Variants in WDR7 observed in about 807,000 individuals in gnomAD.
WDR7 encodes the protein WD repeat-containing protein 7.
Under a neutral mutation model 169.4 loss-of-function variants are expected in WDR7, and 46 were observed. The ratio of observed to expected loss-of-function variants is 0.27; its 90% confidence interval spans 0.21 to 0.35. The LOEUF is 0.35. WDR7 is among the 10% of genes least tolerant of loss of function. The pLI is 1.00. For synonymous variants in WDR7, 612 were observed against 666.8 expected (o/e 0.92, Z 1.27); for missense variants, 1,534 against 1,859.3 (o/e 0.83, Z 3.22).
intron 26 of WDR7, among the ~76,000 whole-genome samples, chr18:57,010,676 G>A (rs1021662731): frequency 6.6e-6 from 1 of 152,084 alleles, no homozygotes; most frequent in African/African-American, 2.4e-5. Context: ...TATCAATTAT[G>A]TATAATTTAA....
downstream of WDR7, chr18:57,032,844 T>TACAC (rs1555649902): frequency 2.3e-4 from 28 of 123,744 alleles, no homozygotes; most frequent in African/African-American, 7.8e-4. Flanking sequence ...TATATATATA[T>TACAC]ACAGTGTAAT....
At position 56,811,565 on chromosome 18, in the gene WDR7, T is replaced by G. The variant is rs572684994; in HGVS notation, c.3191-4466T>G. On this transcript the variant is annotated intron_variant, in intron 19 of 27. Coordinates refer to ENST00000254442, the MANE Select transcript of WDR7 (RefSeq NM_015285.3). The stretch of plus-strand genomic sequence containing the variant: ...TTGGTATCAAGTCTAAACTTACATT[T>G]CAGAGATTTTCTCCTGAGTTTTTTT... Among the ~76,000 whole-genome samples the G allele has an allele frequency of 7.2e-4, 110 of 152,300 alleles. 1 individual carries two copies. The highest frequency in any genetic ancestry group is 1.9e-3 in the East Asian group (10 of 5,190).
chr18:56,758,396 G>A (rs2043931330), intron 15 of WDR7, among the ~76,000 whole-genome samples: 1 of 152,162 alleles, frequency 6.6e-6, no homozygotes, highest in South Asian at 2.1e-4. Context: ...ACGTGCCCAA[G>A]GTAACATAGC....
At chr18:56,975,370 C>T (rs757037700) in intron 26 of WDR7, among the ~76,000 whole-genome samples, 9 of 152,044 alleles carry the variant, frequency 5.9e-5, no homozygotes, top group Non-Finnish European at 1.3e-4. Flanking sequence ...GCTGATGGTA[C>T]ATTCCAGGGA....
intron 20 of WDR7, among the ~76,000 whole-genome samples, chr18:56,840,994 C>G (rs1341461573): frequency 6.6e-6 from 1 of 152,006 alleles, no homozygotes; most frequent in Non-Finnish European, 1.5e-5. Flanking sequence ...AGTTTGAGAC[C>G]AGCCTGGCCA....
intron 20 of WDR7, among the ~76,000 whole-genome samples, chr18:56,846,260 T>G (rs1214038): frequency 0.32 from 49,269 of 151,980 alleles, 10,163 homozygotes; most frequent in African/African-American, 0.59. Flanking sequence ...GATCCCTTAT[T>G]AATGGTGGTA....
chr18:57,011,809 CTA>C (rs67973877), intron 26 of WDR7, among the ~76,000 whole-genome samples: 27,243 of 152,154 alleles, frequency 0.18, 3,183 homozygotes, highest in Middle Eastern at 0.31. Context: ...CTTTTCAATA[CTA>C]GAGAGTTTTA....
At chr18:56,870,199 T>A (rs2045934726) in intron 20 of WDR7, among the ~76,000 whole-genome samples, 1 of 152,198 alleles carries the variant, frequency 6.6e-6, no homozygotes, top group Non-Finnish European at 1.5e-5. Context: ...TTTTGTTTGT[T>A]TTTAAGATTT....
intron 14 of WDR7, among the ~76,000 whole-genome samples, chr18:56,732,024 A>G (rs1413523559): frequency 6.6e-6 from 1 of 152,212 alleles, no homozygotes; most frequent in Non-Finnish European, 1.5e-5. Flanking sequence ...TAGTAAGGTT[A>G]AGCGATTGTA....
intron 20 of WDR7, among the ~76,000 whole-genome samples, chr18:56,827,631 A>G (rs1004390439): frequency 6.6e-6 from 1 of 152,156 alleles, no homozygotes; most frequent in East Asian, 1.9e-4. Context: ...AATAAGACCT[A>G]TTATTTGGTA....
intron 21 of WDR7, among the ~76,000 whole-genome samples, chr18:56,885,559 T>C (rs2046176536): frequency 6.6e-6 from 1 of 151,750 alleles, no homozygotes; most frequent in Non-Finnish European, 1.5e-5. Context: ...GCGCGGTGGC[T>C]CATGCCTGTA....
chr18:56,659,769 T>C (rs1381090646), intron 1 of WDR7, among the ~76,000 whole-genome samples: 1 of 152,106 alleles, frequency 6.6e-6, no homozygotes, highest in African/African-American at 2.4e-5. Context: ...CTCACTCATA[T>C]AGGATAGGCA....
intron 19 of WDR7, among the ~76,000 whole-genome samples, chr18:56,796,447 T>C (rs2044586915): frequency 6.6e-6 from 1 of 152,220 alleles, no homozygotes; most frequent in Non-Finnish European, 1.5e-5. Context: ...TTAAGACTAG[T>C]GATTTCAAAC....
chr18:57,018,475 G>A (rs2048239390), intron 26 of WDR7, among the ~76,000 whole-genome samples: 1 of 152,230 alleles, frequency 6.6e-6, no homozygotes, highest in South Asian at 2.1e-4. Context: ...GACTGGTGAA[G>A]TGAAGAGCAC....
At position 56,751,179 on chromosome 18, in the gene WDR7, A is replaced by G. The variant is rs145740697; in HGVS notation, c.1990-5404A>G. ...TCACACGAAATTGCATCCCGATATC[A>G]TTGTCCCAGACACTAGATGACCTTT... On this transcript the variant is annotated intron_variant, in intron 14 of 27. Coordinates refer to ENST00000254442, the MANE Select transcript of WDR7 (RefSeq NM_015285.3). Among the ~76,000 whole-genome samples, 180 of 152,234 alleles carry G rather than the reference A, an allele frequency of 1.2e-3. 1 individual carries two copies. Among genetic ancestry groups the G allele is most frequent in the Non-Finnish European group, 2.4e-3 (162 of 68,020 alleles).
chr18:56,924,990 T>C (rs2046783896), intron 22 of WDR7, among the ~76,000 whole-genome samples: 1 of 152,170 alleles, frequency 6.6e-6, no homozygotes, highest in Non-Finnish European at 1.5e-5. Flanking sequence ...CTCTGTGAAT[T>C]TGCCTATTCT....
At chr18:56,819,932 T>G (rs2145230777) in intron 20 of WDR7, among the ~76,000 whole-genome samples, 1 of 152,250 alleles carries the variant, frequency 6.6e-6, no homozygotes, top group Admixed American at 6.5e-5. Context: ...AAATAACACT[T>G]TCCTATTTAT....
At chr18:56,806,712 A>G (rs2044779318) in intron 19 of WDR7, among the ~76,000 whole-genome samples, 1 of 152,172 alleles carries the variant, frequency 6.6e-6, no homozygotes, top group South Asian at 2.1e-4. Context: ...CTCAGTTTAC[A>G]TATAAACTTT....
intron 21 of WDR7, among the ~76,000 whole-genome samples, chr18:56,918,331 C>T (rs560656743): frequency 6.6e-6 from 1 of 152,234 alleles, no homozygotes; most frequent in South Asian, 2.1e-4. Flanking sequence ...AATAAAGAGT[C>T]AGTGACTAGT....
Sources: gnomAD v4.1 joint callset for allele counts (sites outside exome capture counted in the v4.1 genomes callset) on GRCh38, gnomAD v4.1.1 for gene constraint, MANE v1.5 for transcripts, NCBI Gene and HGNC (gene_info 2026-07-23, HGNC 2026-07-21) for gene names.